Variants in ETNK1 observed in about 807,000 individuals in gnomAD.
The protein encoded by ETNK1 is ethanolamine kinase 1.
A neutral mutation model predicts 45.1 loss-of-function variants in ETNK1; 8 were observed. The observed-to-expected ratio is 0.18, with a 90% CI of 0.10 to 0.32. ETNK1 has a LOEUF of 0.32. Among genes scored for constraint, ETNK1 ranks in the 10% least tolerant of loss-of-function variants. The probability of loss-of-function intolerance (pLI) is 1.00; values close to 1 mark genes in which losing one functional copy is unlikely to be tolerated. For missense variants in ETNK1, 302 were observed against 430.6 expected (o/e 0.70, Z 2.64); for synonymous variants, 152 against 151.9 (o/e 1.00, Z -0.01).
intron 2 of ETNK1, among the ~76,000 whole-genome samples, chr12:22,658,295 G>A (rs968036252): frequency 2.0e-5 from 3 of 152,112 alleles, no homozygotes; most frequent in Non-Finnish European, 4.4e-5. Context: ...CAAAAGAAGC[G>A]TGGGACTCCA....
intron 4 of ETNK1, among the ~76,000 whole-genome samples, chr12:22,661,480 T>C (rs1414251554): frequency 6.6e-6 from 1 of 152,194 alleles, no homozygotes; most frequent in Admixed American, 6.5e-5. Context: ...AAATGATTTG[T>C]TTATAAATTT....
intron 3 of ETNK1, among the ~76,000 whole-genome samples, chr12:22,660,437 T>G (rs2137556330): frequency 6.6e-6 from 1 of 152,214 alleles, no homozygotes; most frequent in South Asian, 2.1e-4. Context: ...GGACAAAAAG[T>G]CGCGATTTCT....
intron 5 of ETNK1, 101 bp downstream of exon 5, chr12:22,671,456 C>G: frequency 1.2e-6 from 1 of 812,854 alleles, no homozygotes; most frequent in Non-Finnish European, 2.0e-6. Flanking sequence ...GGAACATTTT[C>G]CCACGTGTTG....
At chr12:22,635,098 A>T (rs1953637631) in intron 1 of ETNK1, among the ~76,000 whole-genome samples, 1 of 152,142 alleles carries the variant, frequency 6.6e-6, no homozygotes, top group Admixed American at 6.5e-5. Context: ...ACCCCTTCTC[A>T]CCAAATAAAA....
intron 4 of ETNK1, among the ~76,000 whole-genome samples, chr12:22,663,257 A>C (rs186792298): frequency 7.2e-4 from 110 of 152,328 alleles, no homozygotes; most frequent in South Asian, 2.5e-3. Context: ...ATGAGCTTGT[A>C]AATTCAGTGC....
At chr12:22,633,630 A>G (rs1255247914) in intron 1 of ETNK1, among the ~76,000 whole-genome samples, 1 of 152,194 alleles carries the variant, frequency 6.6e-6, no homozygotes, top group East Asian at 1.9e-4. Flanking sequence ...TCAGTAGATA[A>G]ATTTGGGGAG....
intron 2 of ETNK1, among the ~76,000 whole-genome samples, chr12:22,658,440 A>G (rs1953965861): frequency 6.6e-6 from 1 of 152,180 alleles, no homozygotes; most frequent in African/African-American, 2.4e-5. Context: ...CAAAGGTGCA[A>G]ACATAGGGTC....
intron 1 of ETNK1, among the ~76,000 whole-genome samples, chr12:22,633,088 G>C (rs139035901): frequency 6.6e-6 from 1 of 152,078 alleles, no homozygotes. Context: ...TCTGTTAAGT[G>C]GATACCTAGA....
At chr12:22,627,947 C>T (rs1953526793) in intron 1 of ETNK1, among the ~76,000 whole-genome samples, 1 of 151,992 alleles carries the variant, frequency 6.6e-6, no homozygotes, top group South Asian at 2.1e-4. Flanking sequence ...AAGGCCCAGT[C>T]TTTGCTCAGA....
intron 2 of ETNK1, among the ~76,000 whole-genome samples, chr12:22,653,406 T>C (rs1266542155): frequency 2.6e-5 from 4 of 152,104 alleles, no homozygotes; most frequent in Admixed American, 6.5e-5. Flanking sequence ...GCCTTTGGGA[T>C]TTTGGTAGGG....
chr12:22,645,378 C>G (rs11046514), intron 2 of ETNK1, among the ~76,000 whole-genome samples: 26 of 151,690 alleles, frequency 1.7e-4, no homozygotes, highest in Admixed American at 9.2e-4. Context: ...CAAATAGAAA[C>G]AGTAAAATAA....
At chr12:22,640,379 C>A (rs1953720034) in intron 1 of ETNK1, among the ~76,000 whole-genome samples, 1 of 147,324 alleles carries the variant, frequency 6.8e-6, no homozygotes, top group Non-Finnish European at 1.5e-5. Flanking sequence ...AATGGCATTT[C>A]TAACTAAATT....
At chr12:22,660,333 A>G (rs1953987256) in intron 3 of ETNK1, among the ~76,000 whole-genome samples, 1 of 152,144 alleles carries the variant, frequency 6.6e-6, no homozygotes, top group South Asian at 2.1e-4. Context: ...GATTGGTGCT[A>G]TTGAGGAATT....
chr12:22,644,230 T>C, intron 2 of ETNK1: 2 of 1,606,476 alleles, frequency 1.2e-6, no homozygotes, highest in Non-Finnish European at 1.7e-6. Context: ...GTTGACTCTT[T>C]GCAAAGGAAA....
At chr12:22,665,653 G>A (rs1434475594) in intron 4 of ETNK1, among the ~76,000 whole-genome samples, 2 of 152,158 alleles carry the variant, frequency 1.3e-5, no homozygotes, top group African/African-American at 4.8e-5. Flanking sequence ...ACATGAGTGA[G>A]CTGTGTTCAA....
Position 22,685,030 on chromosome 12 carries a change from A to G in ETNK1, c.*76A>G. The stretch of plus-strand genomic sequence containing the variant: ...TCTTAAGAAATCCCAAAAAGCCAAT[A>G]TTAGTTAAAATTCTGTTGTTTAATT... On this transcript the variant is annotated 3_prime_UTR_variant, in exon 8 of 8. Transcript: ENST00000266517. 1 of 1,007,600 alleles carries G rather than the reference A, an allele frequency of 9.9e-7. No individual in the cohort carries two copies. Among genetic ancestry groups the G allele is most frequent in the South Asian group, 1.6e-5 (1 of 63,394 alleles). 62.4% of individuals were successfully genotyped at this position (1,007,600 alleles called of 1,614,324 possible). A position where few individuals can be genotyped will look rare whatever the true frequency, so the allele number is the denominator to read the frequency against.
intron 2 of ETNK1, among the ~76,000 whole-genome samples, chr12:22,653,564 C>T (rs1313566139): frequency 2.0e-5 from 3 of 152,044 alleles, no homozygotes; most frequent in Non-Finnish European, 4.4e-5. Context: ...ACAAGTCTTT[C>T]ACCTCCTCAA....
rs1565444213 is a variant in ETNK1, at chr12:22,659,251, G to A, written c.557+97G>A. Reference sequence around the variant, plus strand: ...GTAAAGTTTCATTGTATAAAATCTGGTTTTCTTTCTTTGCATTGAAGTAAA... The same window carrying A: ...GTAAAGTTTCATTGTATAAAATCTGATTTTCTTTCTTTGCATTGAAGTAAA... On this transcript the variant is annotated intron_variant, in intron 3 of 7. Coordinates refer to ENST00000266517, the MANE Select transcript of ETNK1 (RefSeq NM_018638.5). 4.8e-5 allele frequency: 61 copies of A among 1,280,808 alleles called. No homozygotes were observed. The South Asian group carries it at 8.8e-4, about 18-fold the overall frequency. 79.3% of individuals were successfully genotyped at this position (1,280,808 alleles called of 1,614,324 possible).
chr12:22,632,563 G>A (rs1953593581), intron 1 of ETNK1, among the ~76,000 whole-genome samples: 1 of 151,574 alleles, frequency 6.6e-6, no homozygotes, highest in Non-Finnish European at 1.5e-5. Context: ...AGGCTAGAGT[G>A]CAGTGATGCT....
Sources: allele counts gnomAD v4.1 joint callset (sites outside exome capture counted in the v4.1 genomes callset), GRCh38; gene constraint gnomAD v4.1.1; transcripts MANE v1.5; gene names NCBI Gene and HGNC (gene_info 2026-07-23, HGNC 2026-07-21).